Variants in FHIP1A observed in about 807,000 individuals in gnomAD.
FHIP1A encodes the protein FHF complex subunit HOOK-interacting protein 1A.
FHIP1A carries 61 observed loss-of-function variants against 88.6 expected under a neutral mutation model. That is an observed-to-expected ratio of 0.69 (90% CI 0.56 to 0.85). The LOEUF is 0.85. Ranked by LOEUF, FHIP1A falls within the 40% of genes least tolerant of loss-of-function variation. The pLI, the probability that FHIP1A is intolerant of heterozygous loss-of-function variation, is 0.00. For synonymous variants in FHIP1A, 478 were observed against 496.0 expected, an observed-to-expected ratio of 0.96 and a Z score of 0.48; for missense variants, 1,154 against 1,273.5, an observed-to-expected ratio of 0.91 and a Z score of 1.43.
intron 3 of FHIP1A, among the ~76,000 whole-genome samples, chr4:151,520,857 C>T (rs1047632100): frequency 6.6e-6 from 1 of 152,134 alleles, no homozygotes; most frequent in Non-Finnish European, 1.5e-5. Context: ...AGAACAAAAA[C>T]TTCAAAAAGG....
At chr4:151,437,108 G>A (rs1728233212) in intron 1 of FHIP1A, among the ~76,000 whole-genome samples, 1 of 152,132 alleles carries the variant, frequency 6.6e-6, no homozygotes, top group African/African-American at 2.4e-5. Flanking sequence ...ATATGGATAT[G>A]GAGGGTTGAG....
At chr4:151,435,467 A>G (rs962081738) in intron 1 of FHIP1A, among the ~76,000 whole-genome samples, 5 of 152,160 alleles carry the variant, frequency 3.3e-5, no homozygotes, top group African/African-American at 1.2e-4. Flanking sequence ...CCAGTAAAAA[A>G]TTTTCCTAAA....
At chr4:151,511,162 A>T (rs1373688943) in intron 3 of FHIP1A, among the ~76,000 whole-genome samples, 1 of 152,226 alleles carries the variant, frequency 6.6e-6, no homozygotes, top group African/African-American at 2.4e-5. Flanking sequence ...AATAATATGT[A>T]TTATTCAATC....
rs911102069 is a variant in FHIP1A at position 151,659,127 on chromosome 4, G to A, written c.2869+2229G>A. Among the ~76,000 whole-genome samples the A allele has an allele frequency of 3.3e-5, 5 of 152,280 alleles. No homozygotes were observed. In the East Asian group the frequency reaches 9.7e-4, roughly 29 times the overall value. On this transcript the variant is annotated intron_variant, in intron 13 of 13. Coordinates refer to ENST00000435205, the MANE Select transcript of FHIP1A (RefSeq NM_001109977.3). ...CTCACTGCCTAAGGTTGTCAAATTA[G>A]TTAGCTGGGTTCCATGCTCCTTAAG... is the stretch of plus-strand genomic sequence containing the variant.
intron 3 of FHIP1A, among the ~76,000 whole-genome samples, chr4:151,536,496 A>C (rs1350847542): frequency 6.6e-6 from 1 of 152,100 alleles, no homozygotes; most frequent in Non-Finnish European, 1.5e-5. Flanking sequence ...AGCAACCACA[A>C]ATCTATCCTC....
intron 7 of FHIP1A, among the ~76,000 whole-genome samples, chr4:151,620,593 A>G (rs1735701225): frequency 2.6e-5 from 4 of 152,164 alleles, no homozygotes; most frequent in Admixed American, 1.3e-4. Flanking sequence ...GTCTTATCAC[A>G]AATAGGCACA....
chr4:151,516,021 G>T (rs1275195803), intron 3 of FHIP1A, among the ~76,000 whole-genome samples: 5 of 152,136 alleles, frequency 3.3e-5, no homozygotes, highest in Non-Finnish European at 7.3e-5. Context: ...GAACAAAGCT[G>T]GAGGCATCAC....
intron 8 of FHIP1A, among the ~76,000 whole-genome samples, chr4:151,633,036 AAAC>A (rs1736215119): frequency 6.6e-6 from 1 of 151,936 alleles, no homozygotes; most frequent in African/African-American, 2.4e-5. Flanking sequence ...TGGTTTTTTA[AAAC>A]AACAGCAATA....
intron 7 of FHIP1A, among the ~76,000 whole-genome samples, chr4:151,624,369 G>A (rs1465153568): frequency 6.6e-6 from 1 of 152,120 alleles, no homozygotes; most frequent in Non-Finnish European, 1.5e-5. Context: ...TGGTGTGAGT[G>A]GCACTGCCTC....
chr4:151,509,664 TTCAGGTA>T (rs1730957082), intron 3 of FHIP1A, among the ~76,000 whole-genome samples: 1 of 152,054 alleles, frequency 6.6e-6, no homozygotes, highest in African/African-American at 2.4e-5. Flanking sequence ...AAGGCTAGCT[TTCAGGTA>T]GACTGCACCT....
intron 2 of FHIP1A, among the ~76,000 whole-genome samples, chr4:151,478,751 T>C (rs1005478779): frequency 6.6e-6 from 1 of 152,146 alleles, no homozygotes; most frequent in African/African-American, 2.4e-5. Context: ...CAAATTTATT[T>C]AACTACAGAA....
At chr4:151,598,869 C>A (rs1212530666) in intron 7 of FHIP1A, among the ~76,000 whole-genome samples, 1 of 152,166 alleles carries the variant, frequency 6.6e-6, no homozygotes, top group East Asian at 1.9e-4. Flanking sequence ...TGGTATTGAA[C>A]CCTACTTGAA....
intron 3 of FHIP1A, among the ~76,000 whole-genome samples, chr4:151,484,053 G>A (rs1159687155): frequency 6.6e-6 from 1 of 152,118 alleles, no homozygotes; most frequent in Non-Finnish European, 1.5e-5. Context: ...TCTGAGTTTT[G>A]GTCTTAAGTT....
At chr4:151,528,144 C>G (rs1731748662) in intron 3 of FHIP1A, among the ~76,000 whole-genome samples, 2 of 152,120 alleles carry the variant, frequency 1.3e-5, no homozygotes, top group African/African-American at 4.8e-5. Flanking sequence ...CTTTTGGTGA[C>G]TGAAGGAAGA....
At chr4:151,453,027 T>G (rs1314482576) in intron 1 of FHIP1A, among the ~76,000 whole-genome samples, 1 of 151,840 alleles carries the variant, frequency 6.6e-6, no homozygotes, top group African/African-American at 2.4e-5. Flanking sequence ...CATAGTTGTT[T>G]TTTTTTTGAG....
At chr4:151,415,185 T>G (rs972877830) in intron 1 of FHIP1A, among the ~76,000 whole-genome samples, 1 of 146,996 alleles carries the variant, frequency 6.8e-6, no homozygotes, top group East Asian at 2.0e-4. Flanking sequence ...TTTTTTTGGT[T>G]TTTTTTTTTG....
At chr4:151,489,189 A>AGCTG in intron 3 of FHIP1A, among the ~76,000 whole-genome samples, 1 of 152,344 alleles carries the variant, frequency 6.6e-6, no homozygotes, top group Admixed American at 6.5e-5. Flanking sequence ...AGCTCACAGG[A>AGCTG]GAAGGATTTA....
At chr4:151,648,460 A>G (rs924126327) in intron 10 of FHIP1A, among the ~76,000 whole-genome samples, 1 of 152,104 alleles carries the variant, frequency 6.6e-6, no homozygotes, top group Non-Finnish European at 1.5e-5. Context: ...TGCCCTGGAA[A>G]TGGGTATCCT....
At chr4:151,454,547 C>T (rs568877890) in intron 1 of FHIP1A, among the ~76,000 whole-genome samples, 154 bp from the exon 2 acceptor site, 22 of 152,218 alleles carry the variant, frequency 1.4e-4, no homozygotes, top group South Asian at 4.1e-4. Context: ...GTTTAAAACA[C>T]GCATGTCCCT....
Sources: allele counts gnomAD v4.1 joint callset (sites outside exome capture counted in the v4.1 genomes callset), GRCh38; gene constraint gnomAD v4.1.1; transcripts MANE v1.5; gene names NCBI Gene and HGNC (gene_info 2026-07-23, HGNC 2026-07-21).